The following TGM3 variants were observed in gnomAD, a reference collection of about 807,000 sequenced individuals.
TGM3 encodes the protein transglutaminase 3.
TGM3 carries 52 observed loss-of-function variants against 73.8 expected under a neutral mutation model. That is an observed-to-expected ratio of 0.70 (90% CI 0.56 to 0.89). The LOEUF (loss-of-function observed/expected upper bound fraction) is 0.89, where lower values mean the gene tolerates loss of function less well. TGM3 is among the 40% of genes least tolerant of loss of function. The pLI is 0.00. For missense variants in TGM3, 928 were observed against 909.9 expected (o/e 1.02, Z -0.26); for synonymous variants, 372 against 354.9 (o/e 1.05, Z -0.54).
At position 2,340,649 on chromosome 20, in the gene TGM3, C is replaced by A. The variant is rs1211105225; in HGVS notation, c.*68C>A. 5.0e-6 allele frequency: 8 copies of A among 1,597,468 alleles called. No individual in the cohort carries two copies. Among genetic ancestry groups the A allele is most frequent in the Middle Eastern group, 1.7e-4 (1 of 6,038 alleles). ...CAGGGAGAGCTCACCATGGAATGAA[C>A]CCCCCGCCCATGCTGTCCGGCCTGG... On this transcript the variant is annotated 3_prime_UTR_variant, in exon 13 of 13. Transcript: ENST00000381458.
chr20:2,339,784 A>AGCCCTCACCAAGGTGCAG, intron 11 of TGM3, 70 bp from the exon 12 acceptor site: 1 of 1,600,156 alleles, frequency 6.2e-7, no homozygotes, highest in Admixed American at 1.7e-5. Flanking sequence ...CACCCTGCCC[A>AGCCCTCACCAAGGTGCAG]GCCCTCACCA....
chr20:2,305,452 C>G (rs143954174), intron 1 of TGM3, among the ~76,000 whole-genome samples: 1 of 152,266 alleles, frequency 6.6e-6, no homozygotes, highest in Non-Finnish European at 1.5e-5. Flanking sequence ...GATCCTGGCT[C>G]TGCCAATTTC....
At chr20:2,298,172 A>G (rs931725023) in intron 1 of TGM3, among the ~76,000 whole-genome samples, 6 of 152,160 alleles carry the variant, frequency 3.9e-5, no homozygotes, top group African/African-American at 7.2e-5. Context: ...CTCTGTGTCC[A>G]GCTCCTAATT....
chr20:2,338,898 A>C (rs2084365319), intron 11 of TGM3, among the ~76,000 whole-genome samples: 1 of 152,244 alleles, frequency 6.6e-6, no homozygotes, highest in Admixed American at 6.5e-5. Flanking sequence ...AGGCGCAAAG[A>C]GATGACTTGT....
intron 7 of TGM3, among the ~76,000 whole-genome samples, chr20:2,319,277 G>A (rs1464848839): frequency 6.6e-6 from 1 of 152,150 alleles, no homozygotes; most frequent in Non-Finnish European, 1.5e-5. Context: ...TGATTATCCT[G>A]TACATTAGGA....
chr20:2,329,483 A>G (rs956038433), intron 9 of TGM3, among the ~76,000 whole-genome samples: 1 of 152,106 alleles, frequency 6.6e-6, no homozygotes, highest in African/African-American at 2.4e-5. Context: ...GCTCAGATAG[A>G]CCTTTGCTCA....
intron 1 of TGM3, among the ~76,000 whole-genome samples, chr20:2,298,029 A>ATGCATGGCACT (rs113032274): frequency 6.6e-6 from 1 of 151,390 alleles, no homozygotes; most frequent in Non-Finnish European, 1.5e-5. Context: ...ACTCTGAAAA[A>ATGCATGGCACT]TGGTCACAGA....
rs142333408 is a variant in TGM3 at position 2,335,238 on chromosome 20, G to A, written c.1765G>A (p.Asp589Asn). Residue 589 changes from aspartate (D) to asparagine (N), a missense_variant, in exon 11 of 13, where the codon GAC (aspartate) becomes AAC (asparagine). Transcript: ENST00000381458. The part of the protein sequence containing the change: ...PDESEVVVER[D>N]IILDNPTLTL... ...TGAGTCTGAGGTGGTGGTGGAGCGG[G>A]ACATCATCCTGGACAACCCCACCTT... 8.1e-6 allele frequency: 13 copies of A among 1,614,188 alleles called. 1 individual carries two copies. In the East Asian group the frequency reaches 1.6e-4, roughly 19 times the overall value.
intron 1 of TGM3, among the ~76,000 whole-genome samples, chr20:2,298,147 G>A (rs1020525303): frequency 6.6e-6 from 1 of 152,128 alleles, no homozygotes; most frequent in Non-Finnish European, 1.5e-5. Context: ...TGACAGGTGT[G>A]CTGCTTTGAG....
Position 2,332,061 on chromosome 20 carries a change from C to T in TGM3, c.1393C>T (p.Pro465Ser), listed in dbSNP as rs2122246968. 1 of 1,614,160 alleles carries T rather than the reference C, an allele frequency of 6.2e-7. No individual in the cohort carries two copies. The highest frequency in any genetic ancestry group is 8.5e-7 in the Non-Finnish European group (1 of 1,180,006). The change falls in exon 10 of 13, where the codon CCA becomes TCA. Residue 465 changes from proline (P) to serine (S), a missense_variant. By Grantham distance (74) the Pro-to-Ser change is moderately conservative. Transcript: ENST00000381458. The surrounding 1 kb of genome is among the most constrained non-coding windows in gnomAD (Gnocchi z 4.4). ...KALGKLKPNT[P>S]FAATSSMGLE... ...TTTGGGGAAACTTAAACCCAACACG[C>T]CATTTGCCGCGACGTCTTCAATGGG...
chr20:2,298,210 T>A (rs1413942539), intron 1 of TGM3, among the ~76,000 whole-genome samples: 3 of 152,052 alleles, frequency 2.0e-5, no homozygotes, highest in Middle Eastern at 6.8e-3. Flanking sequence ...TCAGAAGGGG[T>A]TCCATTATTC....
chr20:2,311,196 A>G, intron 4 of TGM3, 67 bp downstream of exon 4: 2 of 1,316,584 alleles, frequency 1.5e-6, no homozygotes, highest in Non-Finnish European at 1.1e-6. Context: ...AGCTTGCCCC[A>G]CAGATCAATG....
chr20:2,300,096 G>T (rs1054725983), intron 1 of TGM3, among the ~76,000 whole-genome samples: 1 of 94,090 alleles, frequency 1.1e-5, no homozygotes, highest in East Asian at 4.0e-4. Flanking sequence ...AACAGAGAGA[G>T]ACTCCATTTA....
intron 12 of TGM3, 39 bp downstream of exon 12, chr20:2,340,026 G>A: frequency 6.6e-7 from 1 of 1,515,364 alleles, no homozygotes; most frequent in Non-Finnish European, 9.0e-7. Flanking sequence ...AGGAGGGCGG[G>A]AGGGGGCGGG....
Position 2,328,102 on chromosome 20 carries a change from CT to C in TGM3, c.1088-17del. The C allele has an allele frequency of 6.2e-7, 1 of 1,614,094 alleles. No individual in the cohort carries two copies. Among genetic ancestry groups the C allele is most frequent in the Non-Finnish European group, 8.5e-7 (1 of 1,179,998 alleles). ...TGTGGCCTTGGCATATATCCAGCCT[CT>C]GCATCTTGGCCTCCAGGGGTGTTCC... On this transcript the variant is annotated splice_polypyrimidine_tract_variant and intron_variant, in intron 8 of 12. Coordinates refer to ENST00000381458, the MANE Select transcript of TGM3 (RefSeq NM_003245.4). This position sits in a 1 kb window ranked among gnomAD's most constrained non-coding sequence, Gnocchi z 5.2.
At chr20:2,310,477 TG>T in intron 3 of TGM3, 60 bp downstream of exon 3, 1 of 1,587,760 alleles carries the variant, frequency 6.3e-7, no homozygotes, top group African/African-American at 1.3e-5. Flanking sequence ...AAAAAGGGGA[TG>T]GGGGAAATGA....
intron 1 of TGM3, among the ~76,000 whole-genome samples, chr20:2,303,380 C>G (rs2084161330): frequency 6.6e-6 from 1 of 151,668 alleles, no homozygotes; most frequent in Non-Finnish European, 1.5e-5. Context: ...TTGGGGTTGG[C>G]AGGGGCTGGG....
Position 2,332,109 on chromosome 20 carries a change from C to T in TGM3, c.1441C>T (p.Pro481Ser). Residue 481 changes from proline to serine, a missense_variant, in exon 10 of 13, where the codon CCC (proline) becomes TCC (serine). Physicochemically the swap from Pro to Ser is moderately conservative, Grantham distance 74 (BLOSUM62 -1). Coordinates refer to ENST00000381458, the MANE Select transcript of TGM3 (RefSeq NM_003245.4). This position sits in a 1 kb window ranked among gnomAD's most constrained non-coding sequence, Gnocchi z 4.4. ...SMGLETEEQE[P>S]SIIGKLKVAG... is the part of the protein sequence containing the mutation. ...GGGTTTGGAAACAGAGGAACAGGAG[C>T]CCAGCATCATCGGGAAGCTGAAGGT... 3 of 1,614,200 alleles carry T rather than the reference C, an allele frequency of 1.9e-6. No homozygotes were observed. The highest frequency in any genetic ancestry group is 2.5e-6 in the Non-Finnish European group (3 of 1,180,042).
At position 2,334,479 on chromosome 20, in the gene TGM3, T is replaced by C. The variant is rs1341174732; in HGVS notation, c.1643-637T>C. On this transcript the variant is annotated intron_variant, in intron 10 of 12. Transcript: ENST00000381458. This position sits in a 1 kb window ranked among gnomAD's most constrained non-coding sequence, Gnocchi z 4.0. ...AGAACTAGAGACCAGACCAGAGGAA[T>C]GAAGGGGATGCTGTGGCAGTAGAAC... Among the ~76,000 whole-genome samples, 1 of 152,210 alleles carries C rather than the reference T, an allele frequency of 6.6e-6. No individual in the cohort carries two copies. The highest frequency in any genetic ancestry group is 2.4e-5 in the African/African-American group (1 of 41,450).
Sources: allele counts gnomAD v4.1 joint callset (sites outside exome capture counted in the v4.1 genomes callset), GRCh38; gene constraint gnomAD v4.1.1; non-coding constraint Gnocchi (gnomAD v3.1); transcripts MANE v1.5; gene names NCBI Gene and HGNC (gene_info 2026-07-23, HGNC 2026-07-21).